OPALIN: variants seen among roughly 807,000 people sequenced by gnomAD.
OPALIN encodes oligodendrocytic myelin paranodal and inner loop protein, also known as transmembrane protein 10.
A neutral mutation model predicts 17.8 loss-of-function variants in OPALIN; 15 were observed. That is an observed-to-expected ratio of 0.84 (90% CI 0.56 to 1.29). The LOEUF (loss-of-function observed/expected upper bound fraction) is 1.29, where lower values mean the gene tolerates loss of function less well. OPALIN is among the 50% of genes most tolerant of loss of function. The probability of loss-of-function intolerance (pLI) is 0.00; values close to 1 mark genes in which losing one functional copy is unlikely to be tolerated. For synonymous variants in OPALIN, 62 were observed against 63.8 expected (o/e 0.97, Z 0.14); for missense variants, 170 against 176.0 (o/e 0.97, Z 0.19).
rs896095232 is a variant in OPALIN, at chr10:96,346,004, A to G, written c.363T>C (p.Pro121=). 1.1e-5 allele frequency: 18 copies of G among 1,614,050 alleles called. No individual in the cohort carries two copies. The highest frequency in any genetic ancestry group is 1.4e-5 in the Non-Finnish European group (17 of 1,180,026). ...SEEPVHDRYR[P]TIEMERRRGL... ...CCCTCCTTCTTTCCATTTCTATAGT[A>G]GGACGGTAACGGTCATGCACAGGTT... Residue 121 remains proline, a synonymous_variant, in exon 6 of 6, where the codon CCT becomes CCC. Coordinates refer to ENST00000371172, the MANE Select transcript of OPALIN (RefSeq NM_033207.5).
chr10:96,349,731 TC>T lies in OPALIN; in HGVS notation c.167del (p.Arg56LysfsTer50). The T allele has an allele frequency of 6.2e-7, 1 of 1,614,046 alleles. No individual in the cohort carries two copies. Among genetic ancestry groups the T allele is most frequent in the African/African-American group, 1.3e-5 (1 of 75,042 alleles). Reference protein sequence around the residue: ...VALLFTLIHRRRSSIEAMEES... With the variant: ...VALLFTLIHRXRSSIEAMEES... ...CCTCCATGGCCTCAATGCTGCTTCT[TC>T]TTCGGTGAATCAAAGTAAATAGTAA... On this transcript the variant is annotated frameshift_variant, in exon 4 of 6. Transcript: ENST00000371172. LOFTEE classifies it high-confidence loss of function.
In OPALIN at chr10:96,346,040, T is replaced by C. The variant is rs371277566; in HGVS notation, c.327A>G (p.Ala109=). The C allele has an allele frequency of 2.0e-5, 32 of 1,614,082 alleles. No individual in the cohort carries two copies. Among genetic ancestry groups the C allele is most frequent in the Non-Finnish European group, 2.5e-5 (29 of 1,180,012 alleles). The change falls in exon 6 of 6, where the codon GCA becomes GCG. Residue 109 remains alanine (A), a synonymous_variant. Transcript: ENST00000371172. ...GGTCATGCACAGGTTCCTCGCTTCC[T>C]GCTACAGTCTTCACATATATGTGGG... ...QEAHIYVKTV[A]GSEEPVHDRY...
chr10:96,355,384 A>G, intron 1 of OPALIN, 94 bp from the exon 2 acceptor site: 3 of 1,169,714 alleles, frequency 2.6e-6, no homozygotes, highest in South Asian at 1.3e-5. Flanking sequence ...GGATTCCGAG[A>G]GGTCATTGAT....
chr10:96,353,473 A>G, intron 2 of OPALIN: 1 of 1,585,124 alleles, frequency 6.3e-7, no homozygotes, highest in Non-Finnish European at 8.7e-7. Flanking sequence ...AGAGCTGCCC[A>G]GGACTTTCAG....
intron 4 of OPALIN, 87 bp from the exon 5 acceptor site, chr10:96,348,432 A>C (rs1487082289): frequency 6.2e-6 from 4 of 640,074 alleles, no homozygotes; most frequent in Non-Finnish European, 1.0e-5. Context: ...GATTAAAATC[A>C]GTGCTTTTTA....
At position 96,345,812 on chromosome 10, in the gene OPALIN, T is replaced by C; in HGVS notation, c.*129A>G. ...CTAAAGAGACAAATCAGCCCCAAAG[T>C]GTTCCAGAGCTGTAAATGAAATTTG... On this transcript the variant is annotated 3_prime_UTR_variant, in exon 6 of 6. Coordinates refer to ENST00000371172, the MANE Select transcript of OPALIN (RefSeq NM_033207.5). The C allele has an allele frequency of 2.4e-6, 2 of 833,550 alleles. No homozygotes were observed. Among genetic ancestry groups the C allele is most frequent in the South Asian group, 3.5e-5 (2 of 57,844 alleles). The allele number at this position is 833,550 out of a possible 1,614,324, so 51.6% of individuals were successfully genotyped here. A position where few individuals can be genotyped will look rare whatever the true frequency, so the allele number is the denominator to read the frequency against.
chr10:96,349,572 G>A, intron 4 of OPALIN, 135 bp downstream of exon 4: 1 of 989,334 alleles, frequency 1.0e-6, no homozygotes. Context: ...GGAAATTATG[G>A]CCCAGAAACT....
chr10:96,352,573 T>A (rs72829510), intron 2 of OPALIN, among the ~76,000 whole-genome samples: 6,524 of 151,598 alleles, frequency 0.043, 178 homozygotes, highest in Middle Eastern at 0.072. Context: ...ACTACTTTAA[T>A]CCTGCATTTC....
chr10:96,353,343 C>A (rs1845662670), intron 2 of OPALIN: 1 of 1,586,094 alleles, frequency 6.3e-7, no homozygotes, highest in East Asian at 2.3e-5. Context: ...CAGGTGCCCA[C>A]CTCTGTCCCA....
intron 2 of OPALIN, among the ~76,000 whole-genome samples, chr10:96,354,828 G>A (rs998503643): frequency 6.0e-5 from 9 of 150,908 alleles, no homozygotes; most frequent in Non-Finnish European, 1.3e-4. Flanking sequence ...GGGCACGGTG[G>A]CTCACACCTA....
chr10:96,352,681 TAAA>T (rs72007324), intron 2 of OPALIN, among the ~76,000 whole-genome samples: 13 of 96,732 alleles, frequency 1.3e-4, no homozygotes, highest in Admixed American at 2.2e-4. Flanking sequence ...TGGCTTTCAC[TAAA>T]AAAAAAAAAA....
At chr10:96,353,519 G>T in intron 2 of OPALIN, 1 of 1,180,246 alleles carries the variant, frequency 8.5e-7, no homozygotes, top group Non-Finnish European at 1.3e-6. Flanking sequence ...AAGCAAAATG[G>T]TTGGTTGCTC....
rs1564878283 is a variant in OPALIN at position 96,343,282 on chromosome 10, A to T, written c.*2659T>A. ...ATTCCAACATAAGTTCTTGTGTATCATAGCAGAAGTAAATGACAGAAATGC... is the reference window on the plus strand; with the variant it reads ...ATTCCAACATAAGTTCTTGTGTATCTTAGCAGAAGTAAATGACAGAAATGC... On this transcript the variant is annotated 3_prime_UTR_variant, in exon 6 of 6. Transcript: ENST00000371172. 6.6e-6 allele frequency: 1 copy of T among 152,274 alleles called. No homozygotes were observed. Among genetic ancestry groups the T allele is most frequent in the Non-Finnish European group, 1.5e-5 (1 of 68,044 alleles). The allele number at this position is 152,274 out of a possible 1,614,324, so 9.4% of individuals were successfully genotyped here.
chr10:96,355,045 C>A (rs574518160), intron 2 of OPALIN, among the ~76,000 whole-genome samples: 1 of 119,802 alleles, frequency 8.3e-6, no homozygotes, highest in Non-Finnish European at 1.6e-5. Flanking sequence ...TGCAGTGAGT[C>A]GAGATCATGC....
chr10:96,354,446 A>G (rs991545786), intron 2 of OPALIN, among the ~76,000 whole-genome samples: 1 of 152,256 alleles, frequency 6.6e-6, no homozygotes, highest in Non-Finnish European at 1.5e-5. Context: ...TCCTAATGAT[A>G]GTTAATCAAC....
chr10:96,353,130 C>T (rs1040886122), intron 2 of OPALIN, among the ~76,000 whole-genome samples: 12 of 152,206 alleles, frequency 7.9e-5, no homozygotes, highest in Admixed American at 2.6e-4. Flanking sequence ...GACACCCCCC[C>T]GGGCAGTCTG....
chr10:96,351,875 A>G (rs1845599987), intron 2 of OPALIN, among the ~76,000 whole-genome samples: 1 of 152,200 alleles, frequency 6.6e-6, no homozygotes, highest in South Asian at 2.1e-4. Flanking sequence ...ATAATTCTAC[A>G]TGAAATGAAT....
intron 1 of OPALIN, among the ~76,000 whole-genome samples, chr10:96,356,173 C>T (rs1218458878): frequency 6.6e-6 from 1 of 152,198 alleles, no homozygotes; most frequent in Non-Finnish European, 1.5e-5. Flanking sequence ...GGTCCAGCCA[C>T]CCTGGATTAA....
chr10:96,347,210 GC>G (rs1162693196), intron 5 of OPALIN, among the ~76,000 whole-genome samples: 2 of 151,580 alleles, frequency 1.3e-5, no homozygotes, highest in African/African-American at 2.4e-5. Context: ...TCCTGCTTCA[GC>G]CCCCCACGAA....
Sources: gnomAD v4.1 joint callset for allele counts (sites outside exome capture counted in the v4.1 genomes callset) on GRCh38, gnomAD v4.1.1 for gene constraint, MANE v1.5 for transcripts, NCBI Gene and HGNC (gene_info 2026-07-23, HGNC 2026-07-21) for gene names.